Variants in UBN1 observed in about 807,000 individuals in gnomAD.
UBN1 encodes the protein ubinuclein-1.
In UBN1, 17 loss-of-function variants were observed where a neutral mutation model predicts 108.5. That is an observed-to-expected ratio of 0.16 (90% CI 0.11 to 0.24). The LOEUF is 0.24. UBN1 is among the 10% of genes least tolerant of loss of function. The probability of loss-of-function intolerance (pLI) is 1.00; values close to 1 mark genes in which losing one functional copy is unlikely to be tolerated. For missense variants in UBN1, 1,595 were observed against 1,394.4 expected, an observed-to-expected ratio of 1.14 and a Z score of -2.29; for synonymous variants, 726 against 564.2, an observed-to-expected ratio of 1.29 and a Z score of -4.07.
chr16:4,859,918 C>G lies in UBN1; in HGVS notation c.621C>G (p.Asp207Glu). The G allele has an allele frequency of 1.9e-6, 3 of 1,614,144 alleles. No individual in the cohort carries two copies. The highest frequency in any genetic ancestry group is 2.5e-6 in the Non-Finnish European group (3 of 1,180,016). ...AGATAAAGAAGAAGAAAAAAGATGA[C>G]ACTTATGACAAGGAGAAGAAATCGA... ...GEKIKKKKKDDTYDKEKKSKK... is the reference protein window; with the variant it reads ...GEKIKKKKKDETYDKEKKSKK... The change falls in exon 6 of 18, where the codon GAC (aspartate) becomes GAG (glutamate). Residue 207 changes from aspartate (D) to glutamate (E), a missense_variant. Asp to Glu is a conservative substitution (Grantham distance 45). Around this residue, in one of 3 missense-constraint regions of UBN1, gnomAD observed 1,398 missense variants for 1,194.7 expected, o/e 1.17. Transcript: ENST00000262376.
At chr16:4,858,298 C>G (rs190172800) in intron 3 of UBN1, among the ~76,000 whole-genome samples, 2 of 152,268 alleles carry the variant, frequency 1.3e-5, no homozygotes, top group Admixed American at 1.3e-4. Flanking sequence ...CGAGAAGGGC[C>G]TGTGGTCGCC....
At chr16:4,871,123 T>A in intron 11 of UBN1, 32 bp from the exon 12 acceptor site, 11 of 1,612,928 alleles carry the variant, frequency 6.8e-6, no homozygotes, top group Non-Finnish European at 8.5e-6. Flanking sequence ...TCTGAAGTAG[T>A]TTGGAGTTTC....
At chr16:4,872,387 G>A (rs1467100188) in intron 12 of UBN1, 4 of 981,498 alleles carry the variant, frequency 4.1e-6, no homozygotes, top group Non-Finnish European at 3.6e-6. Context: ...TGGGCAGCCA[G>A]TGTGTCCCAT....
At chr16:4,869,649 G>T (rs2087516555) in intron 8 of UBN1, among the ~76,000 whole-genome samples, 1 of 152,238 alleles carries the variant, frequency 6.6e-6, no homozygotes, top group Non-Finnish European at 1.5e-5. Flanking sequence ...GGAAGTGTGA[G>T]CTGCAGAGAG....
chr16:4,874,600 C>A lies in UBN1; in HGVS notation c.2190C>A (p.Ser730Arg). ...GTCCTTCTGCTCCACCACCAGCTAG[C>A]TCTCTGCAGTCACCCCTCAATTTTC... ...KPSPSAPPPA[S>R]SLQSPLNFLA... is the part of the protein sequence containing the mutation. The change falls in exon 15 of 18, where the codon AGC (serine) becomes AGA (arginine). Residue 730 changes from serine (S) to arginine (R), a missense_variant. Physicochemically the swap from Ser to Arg is moderately radical, Grantham distance 110. Around this residue, in one of 3 missense-constraint regions of UBN1, gnomAD observed 1,398 missense variants for 1,194.7 expected, o/e 1.17. Transcript: ENST00000262376. The A allele has an allele frequency of 6.2e-7, 1 of 1,614,246 alleles. No individual in the cohort carries two copies. Among genetic ancestry groups the A allele is most frequent in the Non-Finnish European group, 8.5e-7 (1 of 1,180,040 alleles).
chr16:4,876,376 T>C (rs1439543231), intron 15 of UBN1, among the ~76,000 whole-genome samples: 1 of 152,206 alleles, frequency 6.6e-6, no homozygotes, highest in Non-Finnish European at 1.5e-5. Context: ...CTCTTTAGTT[T>C]CTGGTTTATT....
Position 4,872,916 on chromosome 16 carries a change from G to A in UBN1, c.1739G>A (p.Gly580Glu), listed in dbSNP as rs890303868. The A allele has an allele frequency of 7.4e-6, 12 of 1,614,184 alleles. No homozygotes were observed. The highest frequency in any genetic ancestry group is 1.0e-5 in the Non-Finnish European group (12 of 1,180,028). Residue 580 changes from glycine (G) to glutamate (E), a missense_variant, in exon 13 of 18, where the codon GGG (glycine) becomes GAG (glutamate). Around this residue, in one of 3 missense-constraint regions of UBN1, gnomAD observed 1,398 missense variants for 1,194.7 expected, o/e 1.17. Coordinates refer to ENST00000262376, the MANE Select transcript of UBN1 (RefSeq NM_001079514.3). ...TLFKESRRGHGHLTSILAKKK... is the reference protein window; with the variant it reads ...TLFKESRRGHEHLTSILAKKK... ...TTTAAGGAGAGCAGACGAGGCCATG[G>A]GCACCTGACTTCAATCCTGTGAGTG... is the stretch of plus-strand genomic sequence containing the variant.
chr16:4,862,989 C>T (rs2087141420), intron 7 of UBN1, among the ~76,000 whole-genome samples: 1 of 152,202 alleles, frequency 6.6e-6, no homozygotes, highest in African/African-American at 2.4e-5. Flanking sequence ...ATACAGTATT[C>T]AAGTGTGAAG....
intron 7 of UBN1, among the ~76,000 whole-genome samples, chr16:4,862,328 T>C (rs2087106229): frequency 6.6e-6 from 1 of 152,244 alleles, no homozygotes; most frequent in Admixed American, 6.5e-5. Flanking sequence ...AAATAAAGTA[T>C]CTATTCAAAG....
intron 7 of UBN1, among the ~76,000 whole-genome samples, chr16:4,866,251 GC>G (rs2087324767): frequency 6.6e-6 from 1 of 152,134 alleles, no homozygotes; most frequent in Non-Finnish European, 1.5e-5. Flanking sequence ...GAAAAGTCAT[GC>G]CCTTTTTTTC....
At chr16:4,865,801 A>G (rs2087301045) in intron 7 of UBN1, among the ~76,000 whole-genome samples, 1 of 152,012 alleles carries the variant, frequency 6.6e-6, no homozygotes, top group Non-Finnish European at 1.5e-5. Flanking sequence ...TCTCTACTAA[A>G]AATACAAAAA....
intron 7 of UBN1, among the ~76,000 whole-genome samples, chr16:4,864,413 T>TA (rs1159470942): frequency 2.0e-5 from 3 of 152,238 alleles, no homozygotes; most frequent in African/African-American, 7.2e-5. Flanking sequence ...TTGTGTATGT[T>TA]AAAGAGGTCC....
At chr16:4,857,466 C>T (rs1453377129) in intron 2 of UBN1, among the ~76,000 whole-genome samples, 4 of 151,248 alleles carry the variant, frequency 2.6e-5, no homozygotes, top group African/African-American at 9.7e-5. Context: ...GGAAATAAGC[C>T]TTGGAAGCCT....
chr16:4,854,592 C>G (rs1319374069), intron 2 of UBN1, among the ~76,000 whole-genome samples: 3 of 149,370 alleles, frequency 2.0e-5, no homozygotes, highest in African/African-American at 7.5e-5. Context: ...TCTCCAACTC[C>G]TGACCTCAAG....
intron 7 of UBN1, among the ~76,000 whole-genome samples, chr16:4,864,259 C>T (rs2087215992): frequency 6.6e-6 from 1 of 151,874 alleles, no homozygotes; most frequent in South Asian, 2.1e-4. Context: ...GCCTGTGTTC[C>T]TGTTTTGTAT....
At chr16:4,854,269 G>C (rs1186803789) in intron 2 of UBN1, among the ~76,000 whole-genome samples, 2 of 151,772 alleles carry the variant, frequency 1.3e-5, no homozygotes, top group Non-Finnish European at 2.9e-5. Context: ...TCCTGACCTT[G>C]TGATCCACCC....
intron 7 of UBN1, among the ~76,000 whole-genome samples, chr16:4,867,554 T>C (rs2087396382): frequency 6.6e-6 from 1 of 152,152 alleles, no homozygotes; most frequent in South Asian, 2.1e-4. Flanking sequence ...GTCCAGAGCT[T>C]AGATGAGAGG....
chr16:4,862,193 C>G (rs1255166834), intron 7 of UBN1, among the ~76,000 whole-genome samples: 2 of 152,222 alleles, frequency 1.3e-5, no homozygotes, highest in Non-Finnish European at 2.9e-5. Flanking sequence ...ATCAGTGATT[C>G]TTACAGTATT....
chr16:4,872,176 C>G (rs942812410), intron 12 of UBN1: 20 of 833,784 alleles, frequency 2.4e-5, no homozygotes, highest in Admixed American at 7.1e-5. Flanking sequence ...AATTGCTGTC[C>G]TCTCTACGTA....
Sources: gnomAD v4.1 joint callset for allele counts (sites outside exome capture counted in the v4.1 genomes callset) on GRCh38, gnomAD v4.1.1 for gene constraint, gnomAD v4.1.1 regional missense constraint, MANE v1.5 for transcripts, NCBI Gene and HGNC (gene_info 2026-07-23, HGNC 2026-07-21) for gene names.